CREBBP: variants seen among roughly 807,000 people sequenced by gnomAD.
CREBBP encodes CREB-binding protein.
A neutral mutation model predicts 265.0 loss-of-function variants in CREBBP; 19 were observed. The ratio of observed to expected loss-of-function variants is 0.07; its 90% CI spans 0.05 to 0.11. CREBBP has a LOEUF of 0.11. CREBBP is among the 10% of genes least tolerant of loss of function. The pLI, the probability that CREBBP is intolerant of heterozygous loss-of-function variation, is 1.00. For synonymous variants in CREBBP, 1,457 were observed against 1,223.7 expected (o/e 1.19, Z -3.98); for missense variants, 2,525 against 3,219.0 (o/e 0.78, Z 5.22).
intron 3 of CREBBP, among the ~76,000 whole-genome samples, chr16:3,807,767 T>C (rs2053858406): frequency 6.6e-6 from 1 of 152,168 alleles, no homozygotes; most frequent in Non-Finnish European, 1.5e-5. Flanking sequence ...TGTTAAAAAT[T>C]ACCTAGAAAG....
intron 28 of CREBBP, among the ~76,000 whole-genome samples, 176 bp downstream of exon 28, chr16:3,735,860 T>C (rs1023208703): frequency 2.6e-5 from 4 of 151,978 alleles, no homozygotes; most frequent in Non-Finnish European, 5.9e-5. Flanking sequence ...GTGCAGAGAG[T>C]GCAGAGCCCA....
At chr16:3,879,135 T>C (rs571126542) in intron 1 of CREBBP, among the ~76,000 whole-genome samples, 28 of 152,138 alleles carry the variant, frequency 1.8e-4, no homozygotes, top group Admixed American at 9.8e-4. Flanking sequence ...AAGTTATACA[T>C]GGAAATGAAA....
chr16:3,736,782 T>C lies in CREBBP; in HGVS notation c.4428A>G (p.Pro1476=). The C allele has an allele frequency of 6.2e-7, 1 of 1,614,172 alleles. No individual in the cohort carries two copies. Among genetic ancestry groups the C allele is most frequent in the Non-Finnish European group, 8.5e-7 (1 of 1,180,032 alleles). Residue 1476 remains proline (P), a synonymous_variant, in exon 27 of 31, where the codon CCA becomes CCG. Coordinates refer to ENST00000262367, the MANE Select transcript of CREBBP (RefSeq NM_004380.3). ...YVTGHIWACP[P]SEGDDYIFHC... ...GGAAGATGTAATCATCTCCTTCACT[T>C]GGAGGACAGGCCCAGATGTGCCCTG...
At chr16:3,742,527 C>T (rs1265254979) in intron 23 of CREBBP, 1 of 152,010 alleles carries the variant, frequency 6.6e-6, no homozygotes, top group African/African-American at 2.4e-5. Flanking sequence ...GTGCCTTTTC[C>T]TTTCTCATCT....
chr16:3,732,040 T>C (rs548157219), intron 28 of CREBBP, 103 bp from the exon 29 acceptor site: 10 of 1,603,778 alleles, frequency 6.2e-6, no homozygotes, highest in Non-Finnish European at 8.5e-6. Context: ...CAGGCCAAAG[T>C]AGGTCACCAC....
chr16:3,759,068 C>A, intron 16 of CREBBP, 96 bp from the exon 17 acceptor site: 1 of 962,192 alleles, frequency 1.0e-6, no homozygotes, highest in Non-Finnish European at 1.7e-6. Context: ...TGTGACATCC[C>A]AGCCACGATG....
At position 3,729,091 on chromosome 16, in the gene CREBBP, T is replaced by C. The variant is rs1159180808; in HGVS notation, c.5956A>G (p.Thr1986Ala). 5.0e-6 allele frequency: 8 copies of C among 1,584,550 alleles called. No homozygotes were observed. The highest frequency in any genetic ancestry group is 6.0e-6 in the Non-Finnish European group (7 of 1,171,172). ...TGGCTCCCCGGGGTCCCCATGCCCG[T>C]GCGTCCTGGGGGCATGCTGTTGTTG... Reference protein sequence around the residue: ...NINNSMPPGRTGMGTPGSQMA... With the variant: ...NINNSMPPGRAGMGTPGSQMA... The change falls in exon 31 of 31, where the codon ACG becomes GCG. Residue 1986 changes from threonine (T) to alanine (A), a missense_variant. Physicochemically the swap from Thr to Ala is moderately conservative, Grantham distance 58. Coordinates refer to ENST00000262367, the MANE Select transcript of CREBBP (RefSeq NM_004380.3).
At chr16:3,876,775 C>T (rs1045981260) in intron 1 of CREBBP, among the ~76,000 whole-genome samples, 9 of 152,280 alleles carry the variant, frequency 5.9e-5, no homozygotes, top group Non-Finnish European at 1.2e-4. Flanking sequence ...TACCCTCATT[C>T]GCAGCACATT....
At chr16:3,822,998 T>C (rs2054169930) in intron 2 of CREBBP, among the ~76,000 whole-genome samples, 1 of 152,132 alleles carries the variant, frequency 6.6e-6, no homozygotes, top group Non-Finnish European at 1.5e-5. Flanking sequence ...TGACTCTGAT[T>C]ACTGACAGAG....
At chr16:3,762,461 T>C (rs1018482467) in intron 16 of CREBBP, among the ~76,000 whole-genome samples, 3 of 146,668 alleles carry the variant, frequency 2.0e-5, no homozygotes, top group Admixed American at 1.4e-4. Flanking sequence ...ATTACAGGCG[T>C]GAGCCACGGT....
At chr16:3,768,144 T>TTTTG (rs2052907843) in intron 15 of CREBBP, among the ~76,000 whole-genome samples, 1 of 101,576 alleles carries the variant, frequency 9.8e-6, no homozygotes, top group African/African-American at 5.1e-5. Context: ...GTGTTTTTTT[T>TTTTG]TTTTTTTTTT....
chr16:3,728,523 T>C lies in CREBBP; in HGVS notation c.6524A>G (p.Asn2175Ser), dbSNP rs587778214. ...NPQGQALNIM[N>S]PGHNPNMASM... is the part of the protein sequence containing the mutation. ...CGCCATGTTGGGGTTGTGTCCTGGG[T>C]TCATGATGTTCAAGGCCTGGCCCTG... The change falls in exon 31 of 31, where the codon AAC (asparagine) becomes AGC (serine). Residue 2175 changes from asparagine to serine, a missense_variant. Physicochemically the swap from Asn to Ser is conservative, Grantham distance 46 (BLOSUM62 1). Around this residue, in one of 19 missense-constraint regions of CREBBP, gnomAD observed 473 missense variants for 459.3 expected, o/e 1.03. Transcript: ENST00000262367. This position sits in a 1 kb window ranked among gnomAD's most constrained non-coding sequence, Gnocchi z 8.7. 1.1e-5 allele frequency: 17 copies of C among 1,613,778 alleles called. No homozygotes were observed. The highest frequency in any genetic ancestry group is 6.7e-5 in the African/African-American group (5 of 74,886).
chr16:3,750,707 C>G (rs921235864), intron 20 of CREBBP, among the ~76,000 whole-genome samples: 4 of 152,138 alleles, frequency 2.6e-5, no homozygotes, highest in African/African-American at 9.7e-5. Context: ...CACTTTGGAG[C>G]TGGTAAACAA....
At chr16:3,737,106 G>C in intron 26 of CREBBP, 1 of 505,136 alleles carries the variant, frequency 2.0e-6, no homozygotes, top group East Asian at 3.6e-5. Context: ...GAATATGATG[G>C]CTCATCAAGG....
chr16:3,758,999 A>C (rs1265669066), intron 16 of CREBBP, 27 bp from the exon 17 acceptor site: 50 of 1,552,902 alleles, frequency 3.2e-5, no homozygotes, highest in Non-Finnish European at 4.4e-5. Context: ...AAGAAAAGAC[A>C]CTTTGTAAAA....
intron 1 of CREBBP, among the ~76,000 whole-genome samples, chr16:3,851,881 A>C (rs1246293142): frequency 1.5e-5 from 2 of 135,922 alleles, no homozygotes; most frequent in Non-Finnish European, 3.1e-5. Flanking sequence ...AAAAAAAAAG[A>C]CAAAACATTA....
chr16:3,814,215 C>G (rs1411311732), intron 2 of CREBBP, among the ~76,000 whole-genome samples: 5 of 104,062 alleles, frequency 4.8e-5, no homozygotes, highest in African/African-American at 1.9e-4. Flanking sequence ...GAGTCTCGTT[C>G]TGTGTGTGTG....
intron 3 of CREBBP, among the ~76,000 whole-genome samples, chr16:3,804,346 A>G (rs2053786174): frequency 1.3e-5 from 2 of 152,144 alleles, no homozygotes; most frequent in African/African-American, 4.8e-5. Context: ...GATTAGAGGG[A>G]AAAAAAGGAA....
intron 2 of CREBBP, among the ~76,000 whole-genome samples, chr16:3,812,573 A>G (rs1175643849): frequency 6.6e-6 from 1 of 151,604 alleles, no homozygotes; most frequent in African/African-American, 2.4e-5. Context: ...AGGAACCCTC[A>G]GCTATGCTTC....
Sources: allele counts gnomAD v4.1 joint callset (sites outside exome capture counted in the v4.1 genomes callset), GRCh38; gene constraint gnomAD v4.1.1; regional missense constraint gnomAD v4.1.1; non-coding constraint Gnocchi (gnomAD v3.1); transcripts MANE v1.5; gene names NCBI Gene and HGNC (gene_info 2026-07-23, HGNC 2026-07-21).